PCDHGB3: variants seen among roughly 807,000 people sequenced by gnomAD.
The protein encoded by PCDHGB3 is protocadherin gamma subfamily B, 3, also known as protocadherin gamma-B3.
Under a neutral mutation model 59.2 loss-of-function variants are expected in PCDHGB3, and 40 were observed. That is an observed-to-expected ratio of 0.68 (90% CI 0.52 to 0.88). PCDHGB3 has a LOEUF of 0.88. PCDHGB3 is among the 40% of genes least tolerant of loss of function. The pLI, the probability that PCDHGB3 is intolerant of heterozygous loss-of-function variation, is 0.00. For synonymous variants in PCDHGB3, 581 were observed against 503.6 expected (o/e 1.15, Z -2.06); for missense variants, 1,309 against 1,187.9 (o/e 1.10, Z -1.50).
intron 1 of PCDHGB3, chr5:141,419,559 T>C: frequency 6.2e-7 from 1 of 1,611,930 alleles, no homozygotes. Context: ...TACCCTGCGC[T>C]GGGTCCCGAC....
In PCDHGB3 at chr5:141,510,950, C is replaced by T. The variant is rs770587030; in HGVS notation, c.2567C>T (p.Ala856Val). 1.2e-6 allele frequency: 2 copies of T among 1,614,126 alleles called. No homozygotes were observed. The highest frequency in any genetic ancestry group is 2.2e-5 in the South Asian group (2 of 91,078). ...QAMILASASE[A>V]ADGSSTLGGG... Reference sequence around the variant, plus strand: ...TGATCTTCCTCTGTCTCTGCAGAAGCTGCTGATGGGAGCTCCACCCTGGGA... The same window carrying T: ...TGATCTTCCTCTGTCTCTGCAGAAGTTGCTGATGGGAGCTCCACCCTGGGA... The change falls in exon 4 of 4, where the codon GCT (alanine) becomes GTT (valine). Residue 856 changes from alanine (A) to valine (V), a missense_variant. Physicochemically the swap from Ala to Val is moderately conservative, Grantham distance 64. Transcript: ENST00000576222.
At chr5:141,428,333 T>A in intron 1 of PCDHGB3, 1 of 618,518 alleles carries the variant, frequency 1.6e-6, no homozygotes, top group Non-Finnish European at 2.9e-6. Context: ...ATTTCTATGC[T>A]CTTCTTCCTC....
Position 141,459,075 on chromosome 5 carries a change from G to C in PCDHGB3, c.2416-35732G>C, listed in dbSNP as rs562572838. ...GTATAATTTATATAACATAAAATTT[G>C]CCTTTTAAAATTATACAGTGCAATG... On this transcript the variant is annotated intron_variant, in intron 1 of 3. Transcript: ENST00000576222. 4.6e-5 allele frequency among the ~76,000 whole-genome samples: 7 copies of C among 152,252 alleles called. No individual in the cohort carries two copies. The East Asian group carries it at 1.4e-3, about 29-fold the overall frequency.
intron 1 of PCDHGB3, chr5:141,415,743 T>G (rs1317934891): frequency 9.6e-6 from 3 of 311,420 alleles, no homozygotes; most frequent in Non-Finnish European, 1.2e-5. Context: ...TATTAAGGTT[T>G]TTTTTTTTTT....
In PCDHGB3 at chr5:141,409,582, C is replaced by A. The variant is rs2095287974; in HGVS notation, c.2415+36773C>A. On this transcript the variant is annotated intron_variant, in intron 1 of 3. Coordinates refer to ENST00000576222, the MANE Select transcript of PCDHGB3 (RefSeq NM_018924.5). ...TCGACCAGACGTCCTACGTGGTCCA[C>A]GTGGCCGAGAACAACCCGCCAGGAG... 2.5e-6 allele frequency: 4 copies of A among 1,613,914 alleles called. No homozygotes were observed. The Middle Eastern group carries it at 4.9e-4, about 200-fold the overall frequency.
rs368153419 is a variant in PCDHGB3 at position 141,476,458 on chromosome 5, C to T, written c.2416-18349C>T. 1 of 1,614,044 alleles carries T rather than the reference C, an allele frequency of 6.2e-7. No homozygotes were observed. Among genetic ancestry groups the T allele is most frequent in the Non-Finnish European group, 8.5e-7 (1 of 1,180,014 alleles). On this transcript the variant is annotated intron_variant, in intron 1 of 3. Coordinates refer to ENST00000576222, the MANE Select transcript of PCDHGB3 (RefSeq NM_018924.5). The surrounding 1 kb of genome is among the most constrained non-coding windows in gnomAD (Gnocchi z 7.6). ...TAACTCTGGAGTTGGTAGTGGAGAA[C>T]CCGCTGGAGCTGTTCAGCGTGGAAG...
chr5:141,418,822 A>C (rs780172404), intron 1 of PCDHGB3: 9 of 1,613,988 alleles, frequency 5.6e-6, no homozygotes, highest in Non-Finnish European at 7.6e-6. Flanking sequence ...ACATAGAAGC[A>C]AAAGACCGAG....
rs768767029 is a variant in PCDHGB3, at chr5:141,477,838, G to A, written c.2416-16969G>A. The A allele has an allele frequency of 6.2e-7, 1 of 1,612,892 alleles. No individual in the cohort carries two copies. The highest frequency in any genetic ancestry group is 1.1e-5 in the South Asian group (1 of 90,982). ...AGGTCCTATATCCTCGGCCAGGTGG[G>A]AGCTCGGTGGAGATGCTGCCTCGAG... On this transcript the variant is annotated intron_variant, in intron 1 of 3. Transcript: ENST00000576222. This position sits in a 1 kb window ranked among gnomAD's most constrained non-coding sequence, Gnocchi z 4.9.
rs1236074950 is a variant in PCDHGB3 at position 141,489,119 on chromosome 5, C to G, written c.2416-5688C>G. On this transcript the variant is annotated intron_variant, in intron 1 of 3. Transcript: ENST00000576222. This position sits in a 1 kb window ranked among gnomAD's most constrained non-coding sequence, Gnocchi z 4.5. ...GAACTGCTGCAAGCAGGCAAACCTC[C>G]GAGCAGTTTTTAAGAGGCTGGAAGG... The G allele has an allele frequency of 1.5e-6, 1 of 650,358 alleles. No individual in the cohort carries two copies. Among genetic ancestry groups the G allele is most frequent in the Non-Finnish European group, 2.5e-6 (1 of 400,690 alleles). The allele number at this position is 650,358 out of a possible 1,614,324, so 40.3% of individuals were successfully genotyped here. A position where few individuals can be genotyped will look rare whatever the true frequency, so the allele number is the denominator to read the frequency against.
At position 141,382,780 on chromosome 5, in the gene PCDHGB3, A is replaced by T. The variant is rs1050419701; in HGVS notation, c.2415+9971A>T. On this transcript the variant is annotated intron_variant, in intron 1 of 3. Coordinates refer to ENST00000576222, the MANE Select transcript of PCDHGB3 (RefSeq NM_018924.5). ...CCCTCTTCCAGGCTGCACTAAACTC[A>T]AGCCTCTATCCTGCTGGATTCTGAG... is the stretch of plus-strand genomic sequence containing the variant. 8.4e-6 allele frequency: 7 copies of T among 836,240 alleles called. No homozygotes were observed. The African/African-American group carries it at 1.2e-4, about 14-fold the overall frequency. 51.8% of individuals were successfully genotyped at this position (836,240 alleles called of 1,614,324 possible).
At chr5:141,419,600 G>A (rs1304962440) in intron 1 of PCDHGB3, 3 of 1,611,816 alleles carry the variant, frequency 1.9e-6, no homozygotes, top group Non-Finnish European at 2.5e-6. Context: ...AGTGCCGCGG[G>A]CCGCGCAGCC....
Position 141,422,964 on chromosome 5 carries a change from G to C in PCDHGB3, c.2415+50155G>C, listed in dbSNP as rs375881737. 1.0e-4 allele frequency: 161 copies of C among 1,614,190 alleles called. No individual in the cohort carries two copies. In the African/African-American group the frequency reaches 1.9e-3, roughly 20 times the overall value. ...ACGGCTCCACTGGCGTGGAGCTGGC[G>C]CCCCGCTCTGCGGAACCTGGCTACC... On this transcript the variant is annotated intron_variant, in intron 1 of 3. Coordinates refer to ENST00000576222, the MANE Select transcript of PCDHGB3 (RefSeq NM_018924.5).
intron 1 of PCDHGB3, chr5:141,398,580 A>T: frequency 1.2e-6 from 2 of 1,614,044 alleles, no homozygotes; most frequent in Non-Finnish European, 1.7e-6. Flanking sequence ...CTGGCACAAG[A>T]TTTATACTAG....
intron 1 of PCDHGB3, chr5:141,418,103 G>A: frequency 1.2e-6 from 2 of 1,614,076 alleles, no homozygotes; most frequent in African/African-American, 1.3e-5. Flanking sequence ...CGCGCAGAGC[G>A]GGGACTTACT....
At chr5:141,389,267 GA>G (rs2091674195) in intron 1 of PCDHGB3, 1 of 1,613,890 alleles carries the variant, frequency 6.2e-7, no homozygotes, top group African/African-American at 1.3e-5. Context: ...ACGTGGCCGA[GA>G]ACAACCCGCC....
At chr5:141,403,240 T>A (rs948095468) in intron 1 of PCDHGB3, 2 of 1,613,926 alleles carry the variant, frequency 1.2e-6, no homozygotes, top group Admixed American at 3.3e-5. Flanking sequence ...AGGAGCTCTG[T>A]GCTCAGAGCC....
chr5:141,405,273 A>G (rs762280864), intron 1 of PCDHGB3: 5 of 1,613,974 alleles, frequency 3.1e-6, no homozygotes, highest in African/African-American at 2.7e-5. Context: ...CCCCAGCCCA[A>G]CTATGCAGAC....
At chr5:141,384,558 G>C (rs1305876368) in intron 1 of PCDHGB3, 2 of 1,614,132 alleles carry the variant, frequency 1.2e-6, no homozygotes, top group African/African-American at 1.3e-5. Context: ...TGTTCGTGCT[G>C]GACCAGAATG....
intron 1 of PCDHGB3, among the ~76,000 whole-genome samples, chr5:141,492,118 TC>T (rs1338861093): frequency 6.6e-6 from 1 of 152,176 alleles, no homozygotes; most frequent in Non-Finnish European, 1.5e-5. Flanking sequence ...CTTCGATTTC[TC>T]CCCAGCTCCC....
Sources: allele counts gnomAD v4.1 joint callset (sites outside exome capture counted in the v4.1 genomes callset), GRCh38; gene constraint gnomAD v4.1.1; non-coding constraint Gnocchi (gnomAD v3.1); transcripts MANE v1.5; gene names NCBI Gene and HGNC (gene_info 2026-07-23, HGNC 2026-07-21).